PLEKHH2: variants seen among roughly 807,000 people sequenced by gnomAD.
PLEKHH2 encodes the protein pleckstrin homology domain-containing family H member 2.
In PLEKHH2, 129 loss-of-function variants were observed where a neutral mutation model predicts 187.9. The observed-to-expected ratio is 0.69, with a 90% CI of 0.59 to 0.79. PLEKHH2 has a LOEUF of 0.79. Ranked by LOEUF, PLEKHH2 falls within the 30% of genes least tolerant of loss-of-function variation. The pLI, the probability that PLEKHH2 is intolerant of heterozygous loss-of-function variation, is 0.00. For synonymous variants in PLEKHH2, 686 were observed against 605.6 expected (o/e 1.13, Z -1.95); for missense variants, 2,076 against 1,751.2 (o/e 1.19, Z -3.31).
intron 2 of PLEKHH2, chr2:43,675,985 C>T (rs1667749729): frequency 6.2e-7 from 1 of 1,614,022 alleles, no homozygotes; most frequent in Middle Eastern, 1.6e-4. Flanking sequence ...CCTGTCATTA[C>T]TTTCTATATT....
Position 43,740,791 on chromosome 2 carries a change from A to G in PLEKHH2, c.3124-155A>G, listed in dbSNP as rs560759544. 1.9e-5 allele frequency: 25 copies of G among 1,287,006 alleles called. No individual in the cohort carries two copies. In the Admixed American group the frequency reaches 8.8e-4, roughly 45 times the overall value. The allele number at this position is 1,287,006 out of a possible 1,614,324, so 79.7% of individuals were successfully genotyped here. On this transcript the variant is annotated intron_variant, in intron 20 of 29. Transcript: ENST00000282406. ...ACCCAATGTAGAGTTTTTTGTTTTTAACCTATGATAAATGCTGTAAACAGA... is the reference window on the plus strand; with the variant it reads ...ACCCAATGTAGAGTTTTTTGTTTTTGACCTATGATAAATGCTGTAAACAGA...
In PLEKHH2 at chr2:43,767,826, G is replaced by T. The variant is rs1383683027; in HGVS notation, c.*2228G>T. The T allele has an allele frequency of 1.3e-5, 2 of 152,724 alleles. No individual in the cohort carries two copies. The highest frequency in any genetic ancestry group is 2.9e-5 in the Non-Finnish European group (2 of 68,022). The allele number at this position is 152,724 out of a possible 1,614,324, so 9.5% of individuals were successfully genotyped here. A position where few individuals can be genotyped will look rare whatever the true frequency, so the allele number is the denominator to read the frequency against. On this transcript the variant is annotated 3_prime_UTR_variant, in exon 30 of 30. Transcript: ENST00000282406. ...AGGAAATCAATTTTCTGTAACTGAT[G>T]ATGTGAAAATTTTATTTTCTGGGAA...
chr2:43,749,570 T>C (rs1424263096), intron 24 of PLEKHH2, among the ~76,000 whole-genome samples: 1 of 152,258 alleles, frequency 6.6e-6, no homozygotes, highest in African/African-American at 2.4e-5. Context: ...ATGATTACCT[T>C]GTTTAAAAGT....
chr2:43,648,002 C>A (rs1666265889), intron 2 of PLEKHH2, among the ~76,000 whole-genome samples: 1 of 152,162 alleles, frequency 6.6e-6, no homozygotes, highest in South Asian at 2.1e-4. Context: ...TTATTATCCT[C>A]AATCTAGAGA....
intron 21 of PLEKHH2, among the ~76,000 whole-genome samples, chr2:43,741,922 T>A (rs957844746): frequency 6.6e-6 from 1 of 152,198 alleles, no homozygotes; most frequent in Non-Finnish European, 1.5e-5. Flanking sequence ...TTCTAATGAG[T>A]TTTTCTAATG....
intron 16 of PLEKHH2, among the ~76,000 whole-genome samples, chr2:43,723,124 G>A (rs1179579596): frequency 6.6e-6 from 1 of 152,098 alleles, no homozygotes; most frequent in East Asian, 1.9e-4. Context: ...ATATCATTGT[G>A]CCTAAAGTAC....
intron 28 of PLEKHH2, among the ~76,000 whole-genome samples, chr2:43,763,690 G>A (rs10203287): frequency 0.08 from 12,133 of 151,294 alleles, 663 homozygotes; most frequent in Admixed American, 0.2. Flanking sequence ...CATCAGGCCC[G>A]GCCTAAGTTA....
intron 23 of PLEKHH2, 194 bp downstream of exon 23, chr2:43,744,183 T>C (rs1671683275): frequency 8.3e-7 from 1 of 1,200,394 alleles, no homozygotes; most frequent in Non-Finnish European, 1.1e-6. Flanking sequence ...AATCTCTACA[T>C]ATACACATTC....
rs77664479 is a variant in PLEKHH2, at chr2:43,727,870, C to G, written c.2721+1419C>G. On this transcript the variant is annotated intron_variant, in intron 17 of 29. Coordinates refer to ENST00000282406, the MANE Select transcript of PLEKHH2 (RefSeq NM_172069.4). ...ATATGATTTGAAAAGGACTATGTTT[C>G]TAGTAGAAAAATGGAAAGAGGGCCT... 7.4e-3 allele frequency among the ~76,000 whole-genome samples: 1,121 copies of G among 152,228 alleles called. 16 individuals are homozygous for G. Among genetic ancestry groups the G allele is most frequent in the African/African-American group, 0.026 (1,063 of 41,532 alleles).
rs368756756 is a variant in PLEKHH2, at chr2:43,729,727, A to T, written c.2812A>T (p.Asn938Tyr). ...TGAACAACTGGTTTGCAAATTGCTA[A>T]ATATAGACGGGGAGCCTTGTAAGTT... Reference protein sequence around the residue: ...EFEQLVCKLLNIDGEPSSQIW... With the variant: ...EFEQLVCKLLYIDGEPSSQIW... The change falls in exon 18 of 30, where the codon AAT becomes TAT. Residue 938 changes from asparagine (N) to tyrosine (Y), a missense_variant. Asn to Tyr is a moderately radical substitution (Grantham distance 143, BLOSUM62 -2). Transcript: ENST00000282406. 2.5e-6 allele frequency: 4 copies of T among 1,601,958 alleles called. No homozygotes were observed. The African/African-American group carries it at 5.4e-5, about 22-fold the overall frequency.
At chr2:43,751,952 C>A (rs540445532) in intron 24 of PLEKHH2, among the ~76,000 whole-genome samples, 30 of 140,676 alleles carry the variant, frequency 2.1e-4, no homozygotes, top group African/African-American at 8.3e-4. Flanking sequence ...GCTAGTGATA[C>A]TTCCTTTTCC....
intron 17 of PLEKHH2, among the ~76,000 whole-genome samples, chr2:43,728,143 G>A (rs908710427): frequency 1.3e-5 from 2 of 152,022 alleles, no homozygotes; most frequent in South Asian, 2.1e-4. Flanking sequence ...AAGTTTTCTC[G>A]CCCTAGTAAT....
rs960790125 is a variant in PLEKHH2, at chr2:43,766,374, T to G, written c.*776T>G. On this transcript the variant is annotated 3_prime_UTR_variant, in exon 30 of 30. Transcript: ENST00000282406. ...CATTTTGACCTTGCTTTGTTAATAA[T>G]ATCTTTAAAAACAAAGACAATCCTT... is the stretch of plus-strand genomic sequence containing the variant. 1 of 152,792 alleles carries G rather than the reference T, an allele frequency of 6.5e-6. No individual in the cohort carries two copies. Among genetic ancestry groups the G allele is most frequent in the African/African-American group, 2.4e-5 (1 of 41,462 alleles). The allele number at this position is 152,792 out of a possible 1,614,324, so 9.5% of individuals were successfully genotyped here.
In PLEKHH2 at chr2:43,765,485, C is replaced by T; in HGVS notation, c.4369C>T (p.Leu1457Phe). The change falls in exon 30 of 30, where the codon CTC (leucine) becomes TTC (phenylalanine). Residue 1457 changes from leucine (L) to phenylalanine (F), a missense_variant. Leu to Phe is a conservative substitution (Grantham distance 22). Transcript: ENST00000282406. The part of the protein sequence containing the change: ...FHQQKAAFHH[L>F]SAPALLSAQT... ...TCAGCAAAAGGCAGCATTTCACCAC[C>T]TCTCTGCTCCAGCACTGCTCTCAGC... The T allele has an allele frequency of 1.9e-6, 3 of 1,614,148 alleles. No individual in the cohort carries two copies. Among genetic ancestry groups the T allele is most frequent in the African/African-American group, 2.7e-5 (2 of 75,030 alleles).
At chr2:43,749,210 G>A (rs990957022) in intron 24 of PLEKHH2, among the ~76,000 whole-genome samples, 2 of 152,204 alleles carry the variant, frequency 1.3e-5, no homozygotes, top group African/African-American at 4.8e-5. Context: ...ACATCACAAG[G>A]AAGGACAAAG....
Position 43,718,864 on chromosome 2 carries a change from A to G in PLEKHH2, c.2461-1805A>G, listed in dbSNP as rs145086047. 2.0e-5 allele frequency among the ~76,000 whole-genome samples: 3 copies of G among 152,202 alleles called. No homozygotes were observed. In the South Asian group the frequency reaches 6.2e-4, roughly 31 times the overall value. ...AATTGAAACATGTCTCAAATGAGAC[A>G]TTTTTTGTTTTCTCTCAAACAGCAT... On this transcript the variant is annotated intron_variant, in intron 15 of 29. Coordinates refer to ENST00000282406, the MANE Select transcript of PLEKHH2 (RefSeq NM_172069.4).
Position 43,742,859 on chromosome 2 carries a change from C to T in PLEKHH2, c.3340C>T (p.Pro1114Ser). 6.2e-7 allele frequency: 1 copy of T among 1,608,324 alleles called. No homozygotes were observed. The highest frequency in any genetic ancestry group is 8.5e-7 in the Non-Finnish European group (1 of 1,177,886). Residue 1114 changes from proline (P) to serine (S), a missense_variant, in exon 22 of 30, where the codon CCT (proline) becomes TCT (serine). Coordinates refer to ENST00000282406, the MANE Select transcript of PLEKHH2 (RefSeq NM_172069.4). ...MEILSTLLRN[P>S]YHHSLPFSIP... ...AATTCTTTCAACTCTTCTCCGAAAC[C>T]CTTATCACCATTCTTTGCCCTTTAG...
intron 9 of PLEKHH2, among the ~76,000 whole-genome samples, chr2:43,704,662 T>TAAAAAAA (rs70965318): frequency 0.014 from 1,161 of 84,170 alleles, 35 homozygotes; most frequent in Non-Finnish European, 0.016. Context: ...GATTCTGTCT[T>TAAAAAAA]AAAAAAAAAA....
intron 3 of PLEKHH2, chr2:43,681,487 C>T: frequency 1.9e-6 from 3 of 1,546,148 alleles, no homozygotes; most frequent in Non-Finnish European, 2.6e-6. Flanking sequence ...TCTTCTCTTT[C>T]CTGGGCATCA....
Sources: allele counts gnomAD v4.1 joint callset (sites outside exome capture counted in the v4.1 genomes callset), GRCh38; gene constraint gnomAD v4.1.1; transcripts MANE v1.5; gene names NCBI Gene and HGNC (gene_info 2026-07-23, HGNC 2026-07-21).